Variants in PITPNM2 observed in about 807,000 individuals in gnomAD.
PITPNM2 encodes the protein phosphatidylinositol transfer protein membrane associated 2.
A neutral mutation model predicts 132.2 loss-of-function variants in PITPNM2; 35 were observed. That is an observed-to-expected ratio of 0.26 (90% CI 0.20 to 0.35). The LOEUF is 0.35. Among genes scored for constraint, PITPNM2 ranks in the 10% least tolerant of loss-of-function variants. The pLI is 1.00. For missense variants in PITPNM2, 1,332 were observed against 1,912.0 expected (o/e 0.70, Z 5.66); for synonymous variants, 738 against 799.2 (o/e 0.92, Z 1.29).
At chr12:123,056,298 G>T (rs2041023971) in intron 2 of PITPNM2, among the ~76,000 whole-genome samples, 1 of 152,232 alleles carries the variant, frequency 6.6e-6, no homozygotes, top group South Asian at 2.1e-4. Flanking sequence ...TGAGCGCTCT[G>T]GAGAACTTAG....
At chr12:123,002,484 C>G (rs2038740478) in intron 8 of PITPNM2, among the ~76,000 whole-genome samples, 1 of 152,196 alleles carries the variant, frequency 6.6e-6, no homozygotes, top group African/African-American at 2.4e-5. Flanking sequence ...ACAGTCATAG[C>G]TTACTGCAGC....
rs1174469642 is a variant in PITPNM2, at chr12:123,004,217, CTG to C, written c.1048+175_1048+176del. Among the ~76,000 whole-genome samples the C allele has an allele frequency of 6.6e-6, 1 of 152,108 alleles. No individual in the cohort carries two copies. The highest frequency in any genetic ancestry group is 1.9e-4 in the East Asian group (1 of 5,178). On this transcript the variant is annotated intron_variant, in intron 8 of 25. Coordinates refer to ENST00000320201, the MANE Select transcript of PITPNM2 (RefSeq NM_020845.3). The surrounding 1 kb of genome is among the most constrained non-coding windows in gnomAD (Gnocchi z 4.9). ...GAACAAGATGACCTCATCTCATCCT[CTG>C]TGCACTGCCCCAAACACCAGGCTGT...
rs957963129 is a variant in PITPNM2, at chr12:123,095,615, C to A, written c.-96+14770G>T. Among the ~76,000 whole-genome samples, 4 of 152,260 alleles carry A rather than the reference C, an allele frequency of 2.6e-5. No individual in the cohort carries two copies. In the East Asian group the frequency reaches 7.7e-4, roughly 29 times the overall value. ...CTGAGTAAAGGCCCTCAACGCTCCC[C>A]TTGGGTTTCAAGGCGACATCTAAGC... On this transcript the variant is annotated intron_variant, in intron 2 of 25. Transcript: ENST00000320201. The surrounding 1 kb of genome is among the most constrained non-coding windows in gnomAD (Gnocchi z 5.0).
Position 123,004,052 on chromosome 12 carries a change from C to T in PITPNM2, c.1048+342G>A, listed in dbSNP as rs1476840459. Among the ~76,000 whole-genome samples the T allele has an allele frequency of 2.6e-5, 4 of 152,228 alleles. No individual in the cohort carries two copies. The highest frequency in any genetic ancestry group is 2.0e-4 in the Admixed American group (3 of 15,288). ...AATTAGAAAATTAAAAGAAGTTATG[C>T]TTCCATGGAAATAAATTCACATACG... On this transcript the variant is annotated intron_variant, in intron 8 of 25. Transcript: ENST00000320201. The surrounding 1 kb of genome is among the most constrained non-coding windows in gnomAD (Gnocchi z 4.9).
At chr12:123,071,677 C>T (rs978596397) in intron 2 of PITPNM2, among the ~76,000 whole-genome samples, 2 of 152,258 alleles carry the variant, frequency 1.3e-5, no homozygotes, top group Non-Finnish European at 2.9e-5. Context: ...CCCCACAAGA[C>T]GATCATCCGC....
chr12:122,989,436 C>T (rs919868921), intron 18 of PITPNM2, among the ~76,000 whole-genome samples: 3 of 152,118 alleles, frequency 2.0e-5, no homozygotes, highest in Non-Finnish European at 2.9e-5. Context: ...GCGAGGACAA[C>T]CTTCCTGAAC....
intron 2 of PITPNM2, among the ~76,000 whole-genome samples, chr12:123,048,514 G>A (rs2040745101): frequency 6.6e-6 from 1 of 151,922 alleles, no homozygotes; most frequent in Non-Finnish European, 1.5e-5. Flanking sequence ...CCCGGTTCAC[G>A]TCATTCTCCT....
intron 13 of PITPNM2, among the ~76,000 whole-genome samples, chr12:122,996,137 G>C (rs1433367342): frequency 6.6e-6 from 1 of 152,196 alleles, no homozygotes; most frequent in Non-Finnish European, 1.5e-5. Context: ...AGCTCTTTCA[G>C]GGCCCAGGCA....
intron 2 of PITPNM2, among the ~76,000 whole-genome samples, chr12:123,071,844 C>T (rs2041629835): frequency 6.6e-6 from 1 of 152,164 alleles, no homozygotes; most frequent in Admixed American, 6.5e-5. Flanking sequence ...GGACTCAAAA[C>T]CCGAGCCTAT....
At chr12:123,126,672 C>T (rs990034942) in intron 1 of PITPNM2, among the ~76,000 whole-genome samples, 1 of 152,170 alleles carries the variant, frequency 6.6e-6, no homozygotes, top group Non-Finnish European at 1.5e-5. Context: ...CATCCATCCA[C>T]CCCTTCCGTG....
chr12:123,028,185 T>G (rs2039934732), intron 3 of PITPNM2, among the ~76,000 whole-genome samples: 1 of 152,166 alleles, frequency 6.6e-6, no homozygotes, highest in Non-Finnish European at 1.5e-5. Context: ...GCGGCACACA[T>G]TCGCTGAACA....
intron 2 of PITPNM2, among the ~76,000 whole-genome samples, chr12:123,044,560 G>A (rs976011049): frequency 6.6e-6 from 1 of 152,142 alleles, no homozygotes; most frequent in Non-Finnish European, 1.5e-5. Context: ...TTTTCACCTG[G>A]GTTACTCCTG....
chr12:123,138,194 C>A (rs529531975), intron 1 of PITPNM2, among the ~76,000 whole-genome samples: 1 of 152,136 alleles, frequency 6.6e-6, no homozygotes, highest in Non-Finnish European at 1.5e-5. Flanking sequence ...CGCCTGTAAT[C>A]CCAACACTTT....
At chr12:123,013,704 T>G in intron 4 of PITPNM2, 124 bp downstream of exon 4, 1 of 1,117,470 alleles carries the variant, frequency 8.9e-7, no homozygotes, top group Non-Finnish European at 1.3e-6. Context: ...CTGGGTTCCC[T>G]GGGGTTATGG....
chr12:123,002,289 T>C (rs752641381), intron 8 of PITPNM2, among the ~76,000 whole-genome samples: 1 of 152,170 alleles, frequency 6.6e-6, no homozygotes, highest in Non-Finnish European at 1.5e-5. Context: ...TGAGCTGAGA[T>C]TGCACCACTG....
intron 2 of PITPNM2, among the ~76,000 whole-genome samples, chr12:123,107,383 C>T (rs1272328719): frequency 6.6e-6 from 1 of 152,166 alleles, no homozygotes; most frequent in East Asian, 1.9e-4. Flanking sequence ...TTGGCTGGGA[C>T]CCTCCTCTTT....
In PITPNM2 at chr12:123,034,584, T is replaced by G. The variant is rs1268739349; in HGVS notation, c.7A>C (p.Ile3Leu). MI[I>L]KEYRIPLPMT... ...GGCAGAGGAATCCGATATTCCTTTA[T>G]AATCATCTTGGAGTCCAAGCCTTCC... The change falls in exon 3 of 26, where the codon ATA becomes CTA. Residue 3 changes from isoleucine to leucine, a missense_variant. Physicochemically the swap from Ile to Leu is conservative, Grantham distance 5. This residue lies in a region of PITPNM2 where 83 missense variants were observed against 118.7 expected (regional missense o/e 0.70). Coordinates refer to ENST00000320201, the MANE Select transcript of PITPNM2 (RefSeq NM_020845.3). 6.2e-7 allele frequency: 1 copy of G among 1,614,060 alleles called. No individual in the cohort carries two copies. The highest frequency in any genetic ancestry group is 1.3e-5 in the African/African-American group (1 of 74,944).
At chr12:123,122,490 G>A (rs12049962) in intron 1 of PITPNM2, among the ~76,000 whole-genome samples, 2 of 152,176 alleles carry the variant, frequency 1.3e-5, no homozygotes, top group East Asian at 3.9e-4. Context: ...AAGAAATGAC[G>A]TCAACTTACA....
In PITPNM2 at chr12:123,095,535, C is replaced by A. The variant is rs1007016575; in HGVS notation, c.-96+14850G>T. ...CTCCCCCCGCCTCCGACCTGTCACC[C>A]AGATGAAGTGAGACGAAGTGTCTTC... On this transcript the variant is annotated intron_variant, in intron 2 of 25. Coordinates refer to ENST00000320201, the MANE Select transcript of PITPNM2 (RefSeq NM_020845.3). This position sits in a 1 kb window ranked among gnomAD's most constrained non-coding sequence, Gnocchi z 5.0. 6.6e-6 allele frequency among the ~76,000 whole-genome samples: 1 copy of A among 152,202 alleles called. No homozygotes were observed. Among genetic ancestry groups the A allele is most frequent in the Non-Finnish European group, 1.5e-5 (1 of 68,022 alleles).
Sources: allele counts gnomAD v4.1 joint callset (sites outside exome capture counted in the v4.1 genomes callset), GRCh38; gene constraint gnomAD v4.1.1; regional missense constraint gnomAD v4.1.1; non-coding constraint Gnocchi (gnomAD v3.1); transcripts MANE v1.5; gene names NCBI Gene and HGNC (gene_info 2026-07-23, HGNC 2026-07-21).